Variants in PLCG2 observed in about 807,000 individuals in gnomAD.
The protein encoded by PLCG2 is phospholipase C gamma 2.
PLCG2 carries 69 observed loss-of-function variants against 175.6 expected under a neutral mutation model. That is an observed-to-expected ratio of 0.39 (90% CI 0.32 to 0.48). PLCG2 has a LOEUF of 0.48. Ranked by LOEUF, PLCG2 falls within the 20% of genes least tolerant of loss-of-function variation. The pLI is 0.91. For synonymous variants in PLCG2, 827 were observed against 624.0 expected (o/e 1.33, Z -4.85); for missense variants, 1,798 against 1,650.9 (o/e 1.09, Z -1.54).
chr16:81,865,619 C>G (rs895720037), intron 5 of PLCG2, among the ~76,000 whole-genome samples: 35 of 152,218 alleles, frequency 2.3e-4, no homozygotes, highest in African/African-American at 8.2e-4. Flanking sequence ...TGGGATGGTT[C>G]CTTTGCCCTG....
At chr16:81,891,664 C>G in intron 11 of PLCG2, 74 bp downstream of exon 11, 1 of 837,876 alleles carries the variant, frequency 1.2e-6, no homozygotes, top group Non-Finnish European at 2.1e-6. Context: ...GTCCGATACG[C>G]CGCTCCGGTG....
At position 81,869,318 on chromosome 16, in the gene PLCG2, C is replaced by T; in HGVS notation, c.564+20C>T. 6.3e-7 allele frequency: 1 copy of T among 1,575,080 alleles called. No homozygotes were observed. The highest frequency in any genetic ancestry group is 2.2e-5 in the East Asian group (1 of 44,706). ...TTTGTGGTAAGTTTCATGGCTCAGC[C>T]TGGGAATTTTATGAATGCGGAGTGA... On this transcript the variant is annotated intron_variant, in intron 6 of 32. Transcript: ENST00000564138.
intron 27 of PLCG2, among the ~76,000 whole-genome samples, chr16:81,937,078 C>T (rs756628844): frequency 6.6e-6 from 1 of 152,164 alleles, no homozygotes; most frequent in Admixed American, 6.6e-5. Context: ...GGTCAAACAG[C>T]GCTTGCATTT....
At chr16:81,743,992 G>A (rs868563507) in intron 1 of PLCG2, among the ~76,000 whole-genome samples, 2 of 151,886 alleles carry the variant, frequency 1.3e-5, no homozygotes, top group Non-Finnish European at 2.9e-5. Context: ...CCAAGTAGCT[G>A]AGATTACAGG....
intron 2 of PLCG2, among the ~76,000 whole-genome samples, chr16:81,843,063 G>A (rs1905920836): frequency 1.3e-5 from 2 of 151,950 alleles, no homozygotes; most frequent in Non-Finnish European, 2.9e-5. Flanking sequence ...CAAAGATGAA[G>A]CCTCATTTCT....
At chr16:81,938,250 T>C (rs1171171996) in intron 28 of PLCG2, among the ~76,000 whole-genome samples, 3 of 152,182 alleles carry the variant, frequency 2.0e-5, no homozygotes, top group Non-Finnish European at 4.4e-5. Flanking sequence ...AGAAGTTTTT[T>C]CCCTTACTTT....
chr16:81,750,685 T>TTTTTTTTTTTTTG (rs869211052), intron 1 of PLCG2, among the ~76,000 whole-genome samples: 1 of 128,554 alleles, frequency 7.8e-6, no homozygotes, highest in East Asian at 2.3e-4. Context: ...TTTTTTTTTT[T>TTTTTTTTTTTTTG]GAGATAGAGT....
At chr16:81,772,677 GT>G (rs1910309627) in intron 2 of PLCG2, among the ~76,000 whole-genome samples, 1 of 151,880 alleles carries the variant, frequency 6.6e-6, no homozygotes, top group Admixed American at 6.6e-5. Flanking sequence ...AAAAAGCTGG[GT>G]GTGGTGGTGC....
chr16:81,788,437 C>T (rs974319084), intron 2 of PLCG2, among the ~76,000 whole-genome samples: 4 of 152,218 alleles, frequency 2.6e-5, no homozygotes, highest in Non-Finnish European at 4.4e-5. Context: ...CCCGCCACCA[C>T]GCCCGGCTAA....
intron 2 of PLCG2, among the ~76,000 whole-genome samples, chr16:81,824,045 T>TG: frequency 9.0e-5 from 7 of 78,028 alleles, no homozygotes; most frequent in African/African-American, 4.2e-4. Flanking sequence ...TTTCCTTTCC[T>TG]TTCCTGTCCT....
At chr16:81,821,539 T>C (rs1033471089) in intron 2 of PLCG2, among the ~76,000 whole-genome samples, 2 of 152,162 alleles carry the variant, frequency 1.3e-5, no homozygotes, top group Admixed American at 1.3e-4. Flanking sequence ...TGGTTTTCCT[T>C]TTGAGGTGGG....
At chr16:81,951,846 TAATC>T (rs1911378736) in intron 31 of PLCG2, among the ~76,000 whole-genome samples, 1 of 152,146 alleles carries the variant, frequency 6.6e-6, no homozygotes, top group African/African-American at 2.4e-5. Context: ...CCAAATGAAA[TAATC>T]AGTATAATTT....
chr16:81,762,963 A>G (rs1355892419), intron 2 of PLCG2, among the ~76,000 whole-genome samples: 1 of 152,214 alleles, frequency 6.6e-6, no homozygotes, highest in Non-Finnish European at 1.5e-5. Context: ...AGACTGAGGC[A>G]GGAGGATCCC....
intron 23 of PLCG2, among the ~76,000 whole-genome samples, chr16:81,927,689 G>T (rs1692687612): frequency 6.6e-6 from 1 of 152,170 alleles, no homozygotes; most frequent in South Asian, 2.1e-4. Context: ...TTGTAATGAG[G>T]ATTTTAAGAT....
chr16:81,886,890 A>G (rs192989863), intron 9 of PLCG2, among the ~76,000 whole-genome samples: 1 of 152,260 alleles, frequency 6.6e-6, no homozygotes, highest in Non-Finnish European at 1.5e-5. Flanking sequence ...CATTTTCACT[A>G]TTACAGGTAT....
chr16:81,866,983 A>G (rs1199628729), intron 5 of PLCG2, among the ~76,000 whole-genome samples: 1 of 152,206 alleles, frequency 6.6e-6, no homozygotes, highest in Non-Finnish European at 1.5e-5. Flanking sequence ...AGCTGGCCCA[A>G]CAGGGACTTT....
At chr16:81,820,643 CAG>C (rs1482950567) in intron 2 of PLCG2, among the ~76,000 whole-genome samples, 5 of 150,426 alleles carry the variant, frequency 3.3e-5, no homozygotes, top group East Asian at 1.9e-4. Context: ...TTTTTTGAGA[CAG>C]AGTCTCACTC....
chr16:81,941,458 C>T (rs1230826972), intron 30 of PLCG2, among the ~76,000 whole-genome samples: 5 of 152,138 alleles, frequency 3.3e-5, no homozygotes, highest in African/African-American at 1.2e-4. Context: ...GGCACTTTGA[C>T]AGAACCAAAC....
intron 2 of PLCG2, among the ~76,000 whole-genome samples, chr16:81,839,832 C>G (rs143229201): frequency 2.0e-5 from 3 of 152,174 alleles, no homozygotes; most frequent in African/African-American, 7.2e-5. Flanking sequence ...GGGAGGATCA[C>G]TTGAGGCCAG....
Sources: gnomAD v4.1 joint callset for allele counts (sites outside exome capture counted in the v4.1 genomes callset) on GRCh38, gnomAD v4.1.1 for gene constraint, MANE v1.5 for transcripts, NCBI Gene and HGNC (gene_info 2026-07-23, HGNC 2026-07-21) for gene names.